Variants in SRBD1 observed in about 807,000 individuals in gnomAD.
SRBD1 encodes S1 RNA binding domain 1.
A neutral mutation model predicts 115.3 loss-of-function variants in SRBD1; 88 were observed. That is an observed-to-expected ratio of 0.76 (90% CI 0.64 to 0.91). The LOEUF is 0.91. Among genes scored for constraint, SRBD1 ranks in the 40% least tolerant of loss-of-function variants. The pLI, the probability that SRBD1 is intolerant of heterozygous loss-of-function variation, is 0.00. For synonymous variants in SRBD1, 509 were observed against 407.7 expected (o/e 1.25, Z -2.99); for missense variants, 1,385 against 1,177.4 (o/e 1.18, Z -2.58).
At chr2:45,499,741 A>C (rs1670569371) in intron 14 of SRBD1, among the ~76,000 whole-genome samples, 1 of 152,282 alleles carries the variant, frequency 6.6e-6, no homozygotes, top group South Asian at 2.1e-4. Context: ...AGCATCATTT[A>C]TTAAAGAGGC....
At chr2:45,452,805 T>A (rs1669034336) in intron 16 of SRBD1, among the ~76,000 whole-genome samples, 1 of 151,888 alleles carries the variant, frequency 6.6e-6, no homozygotes, top group South Asian at 2.1e-4. Context: ...GGGGCGTAAG[T>A]TGGTTACCAG....
chr2:45,480,113 C>T (rs1669915859), intron 15 of SRBD1, among the ~76,000 whole-genome samples: 1 of 152,180 alleles, frequency 6.6e-6, no homozygotes, highest in Admixed American at 6.5e-5. Flanking sequence ...AATATTAGTG[C>T]TCATTGACAA....
chr2:45,571,161 G>C (rs560019229), intron 9 of SRBD1, among the ~76,000 whole-genome samples: 173 of 152,232 alleles, frequency 1.1e-3, no homozygotes, highest in African/African-American at 3.9e-3. Flanking sequence ...GGCTACGGCA[G>C]AGCTGTTAAT....
chr2:45,488,141 C>G (rs1670176371), intron 15 of SRBD1, 99 bp downstream of exon 15: 4 of 1,006,476 alleles, frequency 4.0e-6, no homozygotes, highest in Non-Finnish European at 6.1e-6. Context: ...TGTAGTATAA[C>G]TTTTAAATTT....
At chr2:45,569,533 G>C (rs1430526137) in intron 9 of SRBD1, 1 of 152,082 alleles carries the variant, frequency 6.6e-6, no homozygotes, top group Non-Finnish European at 1.5e-5. Flanking sequence ...TTACATGAAA[G>C]GTTAGGAATA....
intron 16 of SRBD1, among the ~76,000 whole-genome samples, chr2:45,429,275 A>C (rs1668258398): frequency 6.6e-6 from 1 of 151,974 alleles, no homozygotes; most frequent in Non-Finnish European, 1.5e-5. Context: ...AAAAAGACGG[A>C]CTCCTCCCTA....
rs1332734521 is a variant in SRBD1, at chr2:45,602,091, T to C, written c.81-8A>G. ...TCTTCAGAGGCAGATGATCTAGAAG[T>C]AAATCAACAGAATAATCTCCAGGAA... On this transcript the variant is annotated splice_polypyrimidine_tract_variant and splice_region_variant and intron_variant, in intron 2 of 20. Transcript: ENST00000263736. 3.1e-6 allele frequency: 5 copies of C among 1,604,178 alleles called. No homozygotes were observed. The highest frequency in any genetic ancestry group is 1.7e-6 in the Non-Finnish European group (2 of 1,175,588).
In SRBD1 at chr2:45,542,220, G is replaced by A. The variant is rs114423859; in HGVS notation, c.1874+4512C>T. ...CAGGGGCTGGTGTCAGCACTGCCTC[G>A]AGTGCAGGCACACCTGTCCAGGTCG... On this transcript the variant is annotated intron_variant, in intron 14 of 20. Transcript: ENST00000263736. Among the ~76,000 whole-genome samples, 1,238 of 152,358 alleles carry A rather than the reference G, an allele frequency of 8.1e-3. 10 individuals carry two copies. Among genetic ancestry groups the A allele is most frequent in the African/African-American group, 0.015 (606 of 41,574 alleles).
chr2:45,490,433 T>G (rs1275955696), intron 14 of SRBD1, among the ~76,000 whole-genome samples: 1 of 152,134 alleles, frequency 6.6e-6, no homozygotes, highest in African/African-American at 2.4e-5. Context: ...ATAAGAATAT[T>G]TAGCCACCAC....
chr2:45,414,987 TAC>T lies in SRBD1; in HGVS notation c.2334-1696_2334-1695del, dbSNP rs762627339. Among the ~76,000 whole-genome samples the T allele has an allele frequency of 2.4e-4, 26 of 108,492 alleles. 3 individuals are homozygous for T. The highest frequency in any genetic ancestry group is 3.7e-4 in the Non-Finnish European group (21 of 56,898). 71.2% of individuals were successfully genotyped at this position (108,492 alleles called of 152,430 possible). A position where few individuals can be genotyped will look rare whatever the true frequency, so the allele number is the denominator to read the frequency against. On this transcript the variant is annotated intron_variant, in intron 18 of 20. Coordinates refer to ENST00000263736, the MANE Select transcript of SRBD1 (RefSeq NM_018079.5). ...ATATAGTGTGTATATAGTATGTATA[TAC>T]ACACATATAGTGTGTATATAGTATG...
intron 4 of SRBD1, among the ~76,000 whole-genome samples, chr2:45,589,074 T>A (rs1420780382): frequency 6.6e-6 from 1 of 152,198 alleles, no homozygotes; most frequent in East Asian, 1.9e-4. Context: ...GCATCTTTGA[T>A]CTGAACCCAT....
At chr2:45,428,069 A>T (rs749988609) in intron 16 of SRBD1, among the ~76,000 whole-genome samples, 3 of 152,204 alleles carry the variant, frequency 2.0e-5, no homozygotes, top group Non-Finnish European at 4.4e-5. Context: ...ACCACATCGC[A>T]CTTATTCTAA....
intron 4 of SRBD1, 41 bp downstream of exon 4, chr2:45,599,408 C>A: frequency 6.3e-7 from 1 of 1,577,720 alleles, no homozygotes. Flanking sequence ...AAAAAGAAAG[C>A]ACTCAAAACA....
chr2:45,589,677 C>A (rs1673654176), intron 4 of SRBD1, among the ~76,000 whole-genome samples: 1 of 152,156 alleles, frequency 6.6e-6, no homozygotes, highest in Non-Finnish European at 1.5e-5. Flanking sequence ...GCTGCTTATG[C>A]AAATTTGATC....
chr2:45,420,947 T>A (rs147986967), intron 16 of SRBD1, among the ~76,000 whole-genome samples: 107 of 152,346 alleles, frequency 7.0e-4, no homozygotes, highest in Middle Eastern at 3.4e-3. Flanking sequence ...ATGTGCCATG[T>A]TGGTGGTAGC....
intron 6 of SRBD1, 107 bp downstream of exon 6, chr2:45,581,586 G>T: frequency 1.4e-6 from 1 of 733,712 alleles, no homozygotes. Flanking sequence ...TTAAATAATG[G>T]TGGCTAATGA....
At chr2:45,483,907 A>C (rs1042863473) in intron 15 of SRBD1, among the ~76,000 whole-genome samples, 1 of 152,094 alleles carries the variant, frequency 6.6e-6, no homozygotes, top group African/African-American at 2.4e-5. Context: ...GAACTGAAAA[A>C]AATTTTCTGT....
At chr2:45,477,777 T>C (rs1003095391) in intron 15 of SRBD1, among the ~76,000 whole-genome samples, 1 of 152,160 alleles carries the variant, frequency 6.6e-6, no homozygotes, top group African/African-American at 2.4e-5. Context: ...TCATGTGGCC[T>C]TGAATATGAC....
In SRBD1 at chr2:45,505,206, T is replaced by G. The variant is rs79055808; in HGVS notation, c.1875-16875A>C. Among the ~76,000 whole-genome samples, 562 of 152,298 alleles carry G rather than the reference T, an allele frequency of 3.7e-3. 10 individuals carry two copies. The highest frequency in any genetic ancestry group is 0.013 in the African/African-American group (535 of 41,570). On this transcript the variant is annotated intron_variant, in intron 14 of 20. Transcript: ENST00000263736. ...TCTGTCTTCATCTTGTCTGAAAATC[T>G]TGACATTTTTCAGCAAGTAAAGGTT...
Sources: gnomAD v4.1 joint callset for allele counts (sites outside exome capture counted in the v4.1 genomes callset) on GRCh38, gnomAD v4.1.1 for gene constraint, MANE v1.5 for transcripts, NCBI Gene and HGNC (gene_info 2026-07-23, HGNC 2026-07-21) for gene names.